Variants in ZCCHC7 observed in about 807,000 individuals in gnomAD.
ZCCHC7 encodes zinc finger CCHC-type containing 7.
A neutral mutation model predicts 52.0 loss-of-function variants in ZCCHC7; 35 were observed. That is an observed-to-expected ratio of 0.67 (90% CI 0.51 to 0.89). The LOEUF (loss-of-function observed/expected upper bound fraction) is 0.89. ZCCHC7 is among the 40% of genes least tolerant of loss of function. The probability of loss-of-function intolerance (pLI) is 0.00; values close to 1 mark genes in which losing one functional copy is unlikely to be tolerated. For missense variants in ZCCHC7, 574 were observed against 649.1 expected, an observed-to-expected ratio of 0.88 and a Z score of 1.26; for synonymous variants, 217 against 221.5, an observed-to-expected ratio of 0.98 and a Z score of 0.18.
At chr9:37,177,186 T>G (rs1822085186) in intron 2 of ZCCHC7, among the ~76,000 whole-genome samples, 1 of 152,032 alleles carries the variant, frequency 6.6e-6, no homozygotes, top group Admixed American at 6.6e-5. Flanking sequence ...CTGAAAATAC[T>G]TAGCTGGGTG....
Position 37,189,722 on chromosome 9 carries a change from C to A in ZCCHC7, c.610+62780C>A, listed in dbSNP as rs563135206. Among the ~76,000 whole-genome samples the A allele has an allele frequency of 2.6e-5, 4 of 152,084 alleles. No homozygotes were observed. The South Asian group carries it at 6.2e-4, about 24-fold the overall frequency. On this transcript the variant is annotated intron_variant, in intron 2 of 8. Coordinates refer to ENST00000336755, the MANE Select transcript of ZCCHC7 (RefSeq NM_032226.3). Reference sequence around the variant, plus strand: ...TTTTAATAGGCAATTTGGTTGGGTTCATTCAGGTTGAAAGTTCTAAACAGC... The same window carrying A: ...TTTTAATAGGCAATTTGGTTGGGTTAATTCAGGTTGAAAGTTCTAAACAGC...
chr9:37,143,156 G>A (rs761630884), intron 2 of ZCCHC7, among the ~76,000 whole-genome samples: 2 of 151,516 alleles, frequency 1.3e-5, no homozygotes, highest in Non-Finnish European at 3.0e-5. Context: ...GTCTTTATTT[G>A]AAACTCTCGT....
chr9:37,282,623 A>C (rs914479109), intron 2 of ZCCHC7, among the ~76,000 whole-genome samples: 4 of 151,300 alleles, frequency 2.6e-5, no homozygotes, highest in African/African-American at 9.7e-5. Context: ...AAAAAAAAAA[A>C]AAAGTTTAAA....
chr9:37,121,203 T>C (rs539743435), intron 1 of ZCCHC7, among the ~76,000 whole-genome samples: 25 of 152,320 alleles, frequency 1.6e-4, no homozygotes, highest in South Asian at 8.3e-4. Context: ...GAAGAGCTGC[T>C]GGTTCGGTGG....
rs535220692 is a variant in ZCCHC7, at chr9:37,228,958, C to T, written c.611-73230C>T. ...TCAAGCAGTTCTCCTGCCTCAGCCTCTCGAGTAGCTGGGACTATAGGCGCC... is the reference window on the plus strand; with the variant it reads ...TCAAGCAGTTCTCCTGCCTCAGCCTTTCGAGTAGCTGGGACTATAGGCGCC... On this transcript the variant is annotated intron_variant, in intron 2 of 8. Transcript: ENST00000336755. Among the ~76,000 whole-genome samples, 423 of 151,446 alleles carry T rather than the reference C, an allele frequency of 2.8e-3. 2 individuals are homozygous for T. The highest frequency in any genetic ancestry group is 9.7e-3 in the African/African-American group (398 of 41,236).
At chr9:37,185,415 A>G (rs1311421324) in intron 2 of ZCCHC7, among the ~76,000 whole-genome samples, 1 of 152,252 alleles carries the variant, frequency 6.6e-6, no homozygotes, top group African/African-American at 2.4e-5. Context: ...TATTTTGCAT[A>G]TAAATGTACA....
chr9:37,268,278 C>T (rs1341651220), intron 2 of ZCCHC7, among the ~76,000 whole-genome samples: 1 of 152,090 alleles, frequency 6.6e-6, no homozygotes, highest in African/African-American at 2.4e-5. Context: ...ATTTTACTCA[C>T]TACCAGATTT....
At chr9:37,287,507 A>T (rs1828309374) in intron 2 of ZCCHC7, among the ~76,000 whole-genome samples, 1 of 152,146 alleles carries the variant, frequency 6.6e-6, no homozygotes, top group Admixed American at 6.5e-5. Flanking sequence ...TTGTTCTGCA[A>T]ACGTTGGCCT....
intron 6 of ZCCHC7, among the ~76,000 whole-genome samples, chr9:37,332,858 A>G (rs1176988265): frequency 6.6e-6 from 1 of 151,692 alleles, no homozygotes; most frequent in Non-Finnish European, 1.5e-5. Context: ...TTTTCCTCAC[A>G]TAACATTTCC....
intron 2 of ZCCHC7, among the ~76,000 whole-genome samples, chr9:37,128,031 C>T (rs531672956): frequency 1.3e-5 from 2 of 152,114 alleles, no homozygotes; most frequent in Admixed American, 6.5e-5. Context: ...GACAGCAAAA[C>T]GAAAAGAGAG....
At chr9:37,152,707 A>T (rs1050235329) in intron 2 of ZCCHC7, among the ~76,000 whole-genome samples, 1 of 152,242 alleles carries the variant, frequency 6.6e-6, no homozygotes, top group Non-Finnish European at 1.5e-5. Context: ...CAAGTATAAA[A>T]TGCTATCAGC....
At chr9:37,290,426 C>T (rs777054370) in intron 2 of ZCCHC7, among the ~76,000 whole-genome samples, 31 of 152,010 alleles carry the variant, frequency 2.0e-4, no homozygotes, top group South Asian at 6.2e-4. Flanking sequence ...GAGACCAAGG[C>T]GGGTGAATCA....
At chr9:37,268,252 A>G (rs1289221304) in intron 2 of ZCCHC7, among the ~76,000 whole-genome samples, 1 of 152,028 alleles carries the variant, frequency 6.6e-6, no homozygotes, top group East Asian at 1.9e-4. Context: ...ACCAACTACT[A>G]TTATAAGATA....
intron 2 of ZCCHC7, among the ~76,000 whole-genome samples, chr9:37,127,895 C>T (rs753694569): frequency 8.5e-5 from 13 of 152,186 alleles, no homozygotes; most frequent in Admixed American, 7.2e-4. Context: ...AACTACTCAA[C>T]TTGGCCCTTG....
chr9:37,145,598 G>A (rs746328782), intron 2 of ZCCHC7, among the ~76,000 whole-genome samples: 1 of 151,850 alleles, frequency 6.6e-6, no homozygotes, highest in Non-Finnish European at 1.5e-5. Flanking sequence ...TTGAAAAGGA[G>A]GCAGCCTAAA....
chr9:37,260,445 A>C (rs1315376614), intron 2 of ZCCHC7, among the ~76,000 whole-genome samples: 1 of 152,218 alleles, frequency 6.6e-6, no homozygotes, highest in Admixed American at 6.5e-5. Context: ...ACTGGTCTTC[A>C]TCTACAAAGT....
chr9:37,343,261 G>A (rs778245454), intron 6 of ZCCHC7, among the ~76,000 whole-genome samples: 13 of 152,136 alleles, frequency 8.5e-5, no homozygotes, highest in Non-Finnish European at 1.8e-4. Context: ...ACTCATTTAG[G>A]ATTCATTCTA....
intron 2 of ZCCHC7, among the ~76,000 whole-genome samples, chr9:37,232,553 A>G (rs1174799479): frequency 6.6e-6 from 1 of 152,056 alleles, no homozygotes; most frequent in Admixed American, 6.5e-5. Flanking sequence ...AATCCAACCA[A>G]TCTCCTGTTT....
rs945675799 is a variant in ZCCHC7 at position 37,238,419 on chromosome 9, T to G, written c.611-63769T>G. 1.8e-4 allele frequency among the ~76,000 whole-genome samples: 28 copies of G among 152,174 alleles called. 1 individual carries two copies. The highest frequency in any genetic ancestry group is 6.3e-4 in the African/African-American group (26 of 41,446). ...TAGTTTGTACTGTTTTGCTAAGTGA[T>G]TTTTCTTCCTTTAACAGAAGTATAT... On this transcript the variant is annotated intron_variant, in intron 2 of 8. Transcript: ENST00000336755.
Sources: allele counts gnomAD v4.1 joint callset (sites outside exome capture counted in the v4.1 genomes callset), GRCh38; gene constraint gnomAD v4.1.1; transcripts MANE v1.5; gene names NCBI Gene and HGNC (gene_info 2026-07-23, HGNC 2026-07-21).